Variants in RFX3 observed in about 807,000 individuals in gnomAD.
The protein encoded by RFX3 is regulatory factor X3.
Under a neutral mutation model 98.6 loss-of-function variants are expected in RFX3, and 14 were observed. That is an observed-to-expected ratio of 0.14 (90% CI 0.09 to 0.22). RFX3 has a LOEUF of 0.22. Among genes scored for constraint, RFX3 ranks in the 10% least tolerant of loss-of-function variants. RFX3 has a pLI of 1.00. For missense variants in RFX3, 639 were observed against 926.9 expected (o/e 0.69, Z 4.03); for synonymous variants, 383 against 328.4 (o/e 1.17, Z -1.80).
chr9:3,314,362 G>A (rs200275417), intron 4 of RFX3, among the ~76,000 whole-genome samples: 1 of 152,164 alleles, frequency 6.6e-6, no homozygotes, highest in Non-Finnish European at 1.5e-5. Flanking sequence ...TACAAGAGCT[G>A]CTGAAGGAAG....
At chr9:3,497,861 A>C (rs542619996) in intron 1 of RFX3, among the ~76,000 whole-genome samples, 25 of 152,140 alleles carry the variant, frequency 1.6e-4, no homozygotes, top group Non-Finnish European at 2.8e-4. Context: ...CATTTTAATA[A>C]GGAAGTCTTT....
In RFX3 at chr9:3,292,061, C is replaced by CAAAAA. The variant is rs58788880; in HGVS notation, c.731+1011_731+1015dup. On this transcript the variant is annotated intron_variant, in intron 6 of 16. Transcript: ENST00000617270. ...ACAGAAACAGAGTGAGACTCCATCT[C>CAAAAA]AAAAAAAAAAAAAAAAAAAAAAAAA... 3.8e-3 allele frequency among the ~76,000 whole-genome samples: 92 copies of CAAAAA among 23,940 alleles called. 22 individuals carry two copies. The highest frequency in any genetic ancestry group is 6.2e-3 in the African/African-American group (44 of 7,102). The allele number at this position is 23,940 out of a possible 152,430, so 15.7% of individuals were successfully genotyped here. A position where few individuals can be genotyped will look rare whatever the true frequency, so the allele number is the denominator to read the frequency against.
chr9:3,288,076 C>T (rs866999403), intron 7 of RFX3, 55 bp downstream of exon 7: 4 of 1,560,088 alleles, frequency 2.6e-6, no homozygotes, highest in Admixed American at 1.7e-5. Flanking sequence ...AAAGGAGACC[C>T]GAACAACTAA....
intron 1 of RFX3, among the ~76,000 whole-genome samples, chr9:3,399,958 A>G (rs1369540891): frequency 6.6e-6 from 1 of 152,246 alleles, no homozygotes; most frequent in East Asian, 1.9e-4. Context: ...CAAAAAAAAA[A>G]AAAAGAAAAT....
intron 15 of RFX3, among the ~76,000 whole-genome samples, chr9:3,235,336 G>A (rs568443482): frequency 1.3e-5 from 2 of 152,190 alleles, no homozygotes; most frequent in Non-Finnish European, 2.9e-5. Context: ...ACAGTACGAT[G>A]TGTGGCAAGG....
intron 1 of RFX3, among the ~76,000 whole-genome samples, chr9:3,421,991 G>C (rs1304373771): frequency 7.3e-6 from 1 of 137,426 alleles, no homozygotes; most frequent in Non-Finnish European, 1.5e-5. Context: ...AGTGTTGTAA[G>C]TGACTCTTCT....
chr9:3,288,798 T>C (rs554996943), intron 6 of RFX3, among the ~76,000 whole-genome samples: 1 of 152,132 alleles, frequency 6.6e-6, no homozygotes, highest in African/African-American at 2.4e-5. Context: ...GGTAAAGACT[T>C]ACTTAATATT....
chr9:3,415,089 T>C lies in RFX3; in HGVS notation c.-8-19493A>G, dbSNP rs537988352. 1.2e-3 allele frequency among the ~76,000 whole-genome samples: 105 copies of C among 89,894 alleles called. 2 individuals carry two copies. The South Asian group carries it at 0.028, about 24-fold the overall frequency. The allele number at this position is 89,894 out of a possible 152,430, so 59.0% of individuals were successfully genotyped here. On this transcript the variant is annotated intron_variant, in intron 1 of 16. Transcript: ENST00000617270. ...ATATAAGTATATATATATTCTTATATATATACTCATATATAAGTATATATA... is the reference window on the plus strand; with the variant it reads ...ATATAAGTATATATATATTCTTATACATATACTCATATATAAGTATATATA...
intron 1 of RFX3, among the ~76,000 whole-genome samples, chr9:3,489,677 G>A (rs1850582847): frequency 1.3e-5 from 2 of 152,054 alleles, no homozygotes; most frequent in African/African-American, 4.8e-5. Context: ...AAATATATGT[G>A]GCATATACAC....
At chr9:3,332,953 C>T (rs1303822225) in intron 3 of RFX3, among the ~76,000 whole-genome samples, 1 of 152,176 alleles carries the variant, frequency 6.6e-6, no homozygotes, top group African/African-American at 2.4e-5. Context: ...CCTCTATGGC[C>T]ACTCCTCACA....
rs78487385 is a variant in RFX3, at chr9:3,362,872, G to A, written c.118-16108C>T. Among the ~76,000 whole-genome samples the A allele has an allele frequency of 4.6e-5, 7 of 152,300 alleles. No homozygotes were observed. The East Asian group carries it at 1.2e-3, about 25-fold the overall frequency. On this transcript the variant is annotated intron_variant, in intron 2 of 16. Coordinates refer to ENST00000617270, the MANE Select transcript of RFX3 (RefSeq NM_001282116.2). ...AGTAAAGCAGGTTTCAAAGGCGAGA[G>A]GGGGAGTGTGTCTGGGAGCAGGAAT...
intron 15 of RFX3, chr9:3,247,371 T>A: frequency 1.0e-6 from 1 of 971,556 alleles, no homozygotes; most frequent in Non-Finnish European, 1.2e-6. Context: ...GGTTTGAAAA[T>A]CAGACTGTGT....
chr9:3,467,199 G>GTATA, intron 1 of RFX3, among the ~76,000 whole-genome samples: 1 of 135,368 alleles, frequency 7.4e-6, no homozygotes, highest in Admixed American at 7.4e-5. Flanking sequence ...CATATATAAT[G>GTATA]TATGTGTATA....
intron 15 of RFX3, among the ~76,000 whole-genome samples, chr9:3,241,337 T>A (rs1819894137): frequency 6.6e-6 from 1 of 152,126 alleles, no homozygotes; most frequent in Non-Finnish European, 1.5e-5. Context: ...TGAGTATTTT[T>A]AGGGTACCTA....
At chr9:3,450,320 A>T (rs1371699857) in intron 1 of RFX3, among the ~76,000 whole-genome samples, 1 of 152,186 alleles carries the variant, frequency 6.6e-6, no homozygotes, top group Non-Finnish European at 1.5e-5. Context: ...ACGTCTCTTT[A>T]AAACAACATA....
chr9:3,252,958 T>C (rs1261370000), intron 14 of RFX3, among the ~76,000 whole-genome samples: 1 of 152,234 alleles, frequency 6.6e-6, no homozygotes, highest in Admixed American at 6.5e-5. Flanking sequence ...GCCTCCGCTT[T>C]ACATGCCAAG....
chr9:3,501,555 T>C (rs906369767), intron 1 of RFX3, among the ~76,000 whole-genome samples: 12 of 124,786 alleles, frequency 9.6e-5, no homozygotes, highest in Non-Finnish European at 1.6e-4. Flanking sequence ...TTTTTCCTTC[T>C]TTTTTTTTTT....
intron 4 of RFX3, among the ~76,000 whole-genome samples, chr9:3,324,620 T>C (rs1831699092): frequency 6.6e-6 from 1 of 150,544 alleles, no homozygotes; most frequent in African/African-American, 2.4e-5. Flanking sequence ...AGTGAAAAAA[T>C]ATATATTCTG....
intron 2 of RFX3, among the ~76,000 whole-genome samples, chr9:3,370,246 T>C (rs1033657088): frequency 7.3e-5 from 11 of 150,772 alleles, no homozygotes; most frequent in Non-Finnish European, 1.0e-4. Context: ...TACACATAGG[T>C]AATATATAGG....
Sources: allele counts gnomAD v4.1 joint callset (sites outside exome capture counted in the v4.1 genomes callset), GRCh38; gene constraint gnomAD v4.1.1; transcripts MANE v1.5; gene names NCBI Gene and HGNC (gene_info 2026-07-23, HGNC 2026-07-21).